The following SLC9A1 variants were observed in gnomAD, a reference collection of about 807,000 sequenced individuals.
The protein encoded by SLC9A1 is sodium/hydrogen exchanger 1.
Under a neutral mutation model 67.9 loss-of-function variants are expected in SLC9A1, and 22 were observed. The ratio of observed to expected loss-of-function variants is 0.32; its 90% CI spans 0.23 to 0.46. The LOEUF (loss-of-function observed/expected upper bound fraction) is 0.46, where lower values mean the gene tolerates loss of function less well. SLC9A1 is among the 20% of genes least tolerant of loss of function. The pLI is 1.00. For missense variants in SLC9A1, 686 were observed against 1,094.8 expected (o/e 0.63, Z 5.27); for synonymous variants, 421 against 471.8 (o/e 0.89, Z 1.40).
intron 1 of SLC9A1, among the ~76,000 whole-genome samples, chr1:27,147,754 G>A (rs1264582636): frequency 6.6e-6 from 1 of 152,204 alleles, no homozygotes; most frequent in Non-Finnish European, 1.5e-5. Flanking sequence ...CAGCACTTTG[G>A]GAGGCCAAGG....
chr1:27,135,137 C>T (rs2083411375), intron 1 of SLC9A1, among the ~76,000 whole-genome samples: 1 of 151,518 alleles, frequency 6.6e-6, no homozygotes, highest in Non-Finnish European at 1.5e-5. Flanking sequence ...GCAGCCTCGA[C>T]CTCTTGAGCT....
intron 1 of SLC9A1, among the ~76,000 whole-genome samples, chr1:27,141,734 C>T (rs1176698566): frequency 6.6e-6 from 1 of 152,186 alleles, no homozygotes; most frequent in Non-Finnish European, 1.5e-5. Context: ...GGGTAGGGTG[C>T]CTGCTCCCCT....
chr1:27,129,576 G>C (rs1263587678), intron 1 of SLC9A1, among the ~76,000 whole-genome samples: 1 of 152,158 alleles, frequency 6.6e-6, no homozygotes, highest in East Asian at 1.9e-4. Context: ...AGAAGTCAGA[G>C]ATTAGAAGAG....
intron 1 of SLC9A1, among the ~76,000 whole-genome samples, chr1:27,147,299 C>CAAAAAAAA (rs57583944): frequency 0.16 from 7,128 of 43,714 alleles, 1,073 homozygotes; most frequent in Non-Finnish European, 0.23. Context: ...GACTCTGTCT[C>CAAAAAAAA]AAAAAAAAAA....
Position 27,099,241 on chromosome 1 carries a change from G to C in SLC9A1, c.*1066C>G, listed in dbSNP as rs1408082354. On this transcript the variant is annotated 3_prime_UTR_variant, in exon 12 of 12. Transcript: ENST00000263980. ...GAAAGGTTCCAGGGGCCAAACCCAG[G>C]GTGGGGGAAGTAAGAGCAGGCCAGC... The C allele has an allele frequency of 6.5e-6, 1 of 153,206 alleles. No homozygotes were observed. Among genetic ancestry groups the C allele is most frequent in the Non-Finnish European group, 1.5e-5 (1 of 68,594 alleles). The allele number at this position is 153,206 out of a possible 1,614,324, so 9.5% of individuals were successfully genotyped here. A position where few individuals can be genotyped will look rare whatever the true frequency, so the allele number is the denominator to read the frequency against.
rs911841263 is a variant in SLC9A1, at chr1:27,109,833, C to A, written c.814-56G>T. On this transcript the variant is annotated intron_variant, in intron 2 of 11. Coordinates refer to ENST00000263980, the MANE Select transcript of SLC9A1 (RefSeq NM_003047.5). The surrounding 1 kb of genome is among the most constrained non-coding windows in gnomAD (Gnocchi z 5.5). ...AGGAGAGGGCCCTGGCCCCACGGTT[C>A]CCTGGGGTCCACCCAGGGCAATCCT... is the stretch of plus-strand genomic sequence containing the variant. The A allele has an allele frequency of 1.9e-6, 3 of 1,599,950 alleles. No homozygotes were observed. Among genetic ancestry groups the A allele is most frequent in the Non-Finnish European group, 2.6e-6 (3 of 1,171,816 alleles).
intron 1 of SLC9A1, among the ~76,000 whole-genome samples, chr1:27,141,569 C>T (rs1170037413): frequency 6.6e-6 from 1 of 152,250 alleles, no homozygotes; most frequent in African/African-American, 2.4e-5. Context: ...ATTCCATCTG[C>T]ACTTCAAATC....
intron 5 of SLC9A1, 99 bp from the exon 6 acceptor site, chr1:27,103,411 C>T: frequency 1.2e-6 from 1 of 842,476 alleles, no homozygotes; most frequent in Non-Finnish European, 2.1e-6. Context: ...GGCTAGGATG[C>T]CCTCTCTGCT....
chr1:27,138,149 T>C (rs1245652620), intron 1 of SLC9A1, among the ~76,000 whole-genome samples: 1 of 152,206 alleles, frequency 6.6e-6, no homozygotes, highest in Non-Finnish European at 1.5e-5. Flanking sequence ...CCATGAATCC[T>C]AGCCCCAGGC....
chr1:27,116,276 C>T (rs2083271690), intron 1 of SLC9A1, among the ~76,000 whole-genome samples: 1 of 152,096 alleles, frequency 6.6e-6, no homozygotes, highest in Admixed American at 6.5e-5. Context: ...AGGAGAATTG[C>T]TTGAACACAG....
chr1:27,131,491 T>C (rs2083384095), intron 1 of SLC9A1, among the ~76,000 whole-genome samples: 1 of 148,080 alleles, frequency 6.8e-6, no homozygotes, highest in African/African-American at 2.5e-5. Flanking sequence ...GGCTGATGCC[T>C]GTAATCCGAG....
chr1:27,138,535 G>A (rs1034383589), intron 1 of SLC9A1, among the ~76,000 whole-genome samples: 21 of 152,156 alleles, frequency 1.4e-4, no homozygotes, highest in African/African-American at 5.1e-4. Context: ...AGAGGCAGCT[G>A]GTGGGGCGTG....
Position 27,109,785 on chromosome 1 carries a change from G to A in SLC9A1, c.814-8C>T, listed in dbSNP as rs1462149205. The A allele has an allele frequency of 7.4e-6, 12 of 1,613,246 alleles. No individual in the cohort carries two copies. The highest frequency in any genetic ancestry group is 3.3e-5 in the Admixed American group (2 of 59,996). On this transcript the variant is annotated splice_region_variant and splice_polypyrimidine_tract_variant and intron_variant, in intron 2 of 11. Transcript: ENST00000263980. This position sits in a 1 kb window ranked among gnomAD's most constrained non-coding sequence, Gnocchi z 5.5. ...AAAGAGGTGATACAGGACCTGGGGA[G>A]GGTGTGCAGGCTGGTGGGTGGGAGG...
At chr1:27,152,640 A>G (rs1037432552) in intron 1 of SLC9A1, among the ~76,000 whole-genome samples, 3 of 152,178 alleles carry the variant, frequency 2.0e-5, no homozygotes, top group Admixed American at 1.3e-4. Flanking sequence ...CTCTCCAGGA[A>G]GCTAACTGCC....
chr1:27,127,856 G>C (rs1166159655), intron 1 of SLC9A1, among the ~76,000 whole-genome samples: 1 of 152,174 alleles, frequency 6.6e-6, no homozygotes, highest in Non-Finnish European at 1.5e-5. Context: ...TCTGAGAAAA[G>C]AAAGGCCTGA....
intron 1 of SLC9A1, among the ~76,000 whole-genome samples, chr1:27,138,563 G>C (rs914438716): frequency 6.6e-6 from 1 of 152,102 alleles, no homozygotes; most frequent in East Asian, 1.9e-4. Flanking sequence ...CGTTAGACTG[G>C]ACAGTCAGGG....
At chr1:27,129,352 GA>G (rs999805725) in intron 1 of SLC9A1, among the ~76,000 whole-genome samples, 1 of 152,208 alleles carries the variant, frequency 6.6e-6, no homozygotes, top group African/African-American at 2.4e-5. Flanking sequence ...CCACACTGGG[GA>G]TAGTTTGTCA....
At chr1:27,108,062 A>ATTTTTTTT (rs1026584834) in intron 3 of SLC9A1, among the ~76,000 whole-genome samples, 197 bp from the exon 4 acceptor site, 2 of 108,922 alleles carry the variant, frequency 1.8e-5, no homozygotes, top group Non-Finnish European at 3.7e-5. Context: ...GTATTCCTCC[A>ATTTTTTTT]TTTTTTTTTT....
chr1:27,115,905 C>T (rs1008878581), intron 1 of SLC9A1, among the ~76,000 whole-genome samples: 1 of 152,128 alleles, frequency 6.6e-6, no homozygotes, highest in African/African-American at 2.4e-5. Context: ...GCTGGGACAT[C>T]ACCCAAGATT....
Sources: gnomAD v4.1 joint callset for allele counts (sites outside exome capture counted in the v4.1 genomes callset) on GRCh38, gnomAD v4.1.1 for gene constraint, Gnocchi (gnomAD v3.1) non-coding constraint, MANE v1.5 for transcripts, NCBI Gene and HGNC (gene_info 2026-07-23, HGNC 2026-07-21) for gene names.